PRKCE: variants seen among roughly 807,000 people sequenced by gnomAD.
PRKCE encodes the protein protein kinase C epsilon type.
A neutral mutation model predicts 85.4 loss-of-function variants in PRKCE; 16 were observed. That is an observed-to-expected ratio of 0.19 (90% confidence interval 0.13 to 0.28). The LOEUF is 0.28. Among genes scored for constraint, PRKCE ranks in the 10% least tolerant of loss-of-function variants. The probability of loss-of-function intolerance (pLI) is 1.00; values close to 1 mark genes in which losing one functional copy is unlikely to be tolerated. For missense variants in PRKCE, 573 were observed against 975.2 expected (o/e 0.59, Z 5.49); for synonymous variants, 388 against 371.5 (o/e 1.04, Z -0.51).
At chr2:45,991,849 A>G (rs558170969) in intron 6 of PRKCE, among the ~76,000 whole-genome samples, 1 of 152,116 alleles carries the variant, frequency 6.6e-6, no homozygotes, top group Non-Finnish European at 1.5e-5. Context: ...ATTGACGTTT[A>G]ATTTGTGTGG....
intron 10 of PRKCE, among the ~76,000 whole-genome samples, chr2:46,085,974 G>A (rs564503885): frequency 7.9e-5 from 12 of 152,270 alleles, no homozygotes; most frequent in South Asian, 2.1e-4. Context: ...CCACTAGACC[G>A]AGGTGATGCC....
intron 10 of PRKCE, among the ~76,000 whole-genome samples, chr2:46,038,939 A>G (rs1708050721): frequency 6.6e-6 from 1 of 152,212 alleles, no homozygotes; most frequent in African/African-American, 2.4e-5. Context: ...TGAAGCGCCA[A>G]TATAGTTCCT....
At chr2:45,990,205 G>T (rs1449159306) in intron 6 of PRKCE, among the ~76,000 whole-genome samples, 1 of 152,190 alleles carries the variant, frequency 6.6e-6, no homozygotes, top group African/African-American at 2.4e-5. Context: ...ACTGGAAGAG[G>T]ATCCACTTCC....
Position 46,159,895 on chromosome 2 carries a change from C to T in PRKCE, c.2067+143C>T. 1 of 1,036,558 alleles carries T rather than the reference C, an allele frequency of 9.6e-7. No homozygotes were observed. Among genetic ancestry groups the T allele is most frequent in the Non-Finnish European group, 1.4e-6 (1 of 732,448 alleles). 64.2% of individuals were successfully genotyped at this position (1,036,558 alleles called of 1,614,324 possible). A position where few individuals can be genotyped will look rare whatever the true frequency, so the allele number is the denominator to read the frequency against. On this transcript the variant is annotated intron_variant, in intron 14 of 14. Transcript: ENST00000306156. The surrounding 1 kb of genome is among the most constrained non-coding windows in gnomAD (Gnocchi z 4.1). ...AGACCAGAGGTGGCTGAGGCTCTCC[C>T]TAAGACAATGTCTTTAGGCCCCAAG...
At chr2:46,168,415 A>G (rs1235262831) in intron 14 of PRKCE, among the ~76,000 whole-genome samples, 1 of 152,206 alleles carries the variant, frequency 6.6e-6, no homozygotes, top group Admixed American at 6.5e-5. Context: ...AGGAGCTGGA[A>G]CTTGACAGAA....
At chr2:45,792,711 G>A (rs866348612) in intron 1 of PRKCE, among the ~76,000 whole-genome samples, 3 of 152,208 alleles carry the variant, frequency 2.0e-5, no homozygotes, top group Non-Finnish European at 4.4e-5. Flanking sequence ...TTTCTTCAAG[G>A]ACTGGTTGTA....
chr2:45,749,282 G>A (rs1447438710), intron 1 of PRKCE, among the ~76,000 whole-genome samples: 1 of 152,186 alleles, frequency 6.6e-6, no homozygotes, highest in African/African-American at 2.4e-5. Flanking sequence ...ATTAGGCAGA[G>A]CAAAACCTAT....
intron 11 of PRKCE, among the ~76,000 whole-genome samples, chr2:46,105,415 GCAA>G (rs781334167): frequency 1.2e-4 from 18 of 150,196 alleles, no homozygotes; most frequent in Non-Finnish European, 1.6e-4. Flanking sequence ...TGGCATAGCT[GCAA>G]CAACAACTTC....
At chr2:46,147,721 G>C (rs1410309856) in intron 12 of PRKCE, among the ~76,000 whole-genome samples, 1 of 152,202 alleles carries the variant, frequency 6.6e-6, no homozygotes, top group African/African-American at 2.4e-5. Flanking sequence ...CATTAGCCCA[G>C]TGCCCAGCCC....
intron 1 of PRKCE, among the ~76,000 whole-genome samples, chr2:45,820,356 G>A (rs1469466628): frequency 3.3e-5 from 5 of 152,126 alleles, no homozygotes; most frequent in Admixed American, 2.6e-4. Context: ...GATCGAGAGG[G>A]TAATAGATTC....
chr2:45,745,045 T>C (rs891137683), intron 1 of PRKCE, among the ~76,000 whole-genome samples: 29 of 152,128 alleles, frequency 1.9e-4, no homozygotes, highest in Non-Finnish European at 2.4e-4. Context: ...CAGCCCTGAG[T>C]AGAATTTTAG....
chr2:46,042,396 C>T (rs1393931480), intron 10 of PRKCE, among the ~76,000 whole-genome samples: 1 of 152,174 alleles, frequency 6.6e-6, no homozygotes, highest in East Asian at 1.9e-4. Flanking sequence ...GAGTTTTTCA[C>T]AAGGAGCATT....
At chr2:46,094,194 C>A (rs10202504) in intron 11 of PRKCE, among the ~76,000 whole-genome samples, 1 of 151,974 alleles carries the variant, frequency 6.6e-6, no homozygotes, top group Non-Finnish European at 1.5e-5. Context: ...AAGCTGTCAC[C>A]CTGGGATCCC....
At chr2:45,689,579 G>A (rs920994901) in intron 1 of PRKCE, among the ~76,000 whole-genome samples, 7 of 151,018 alleles carry the variant, frequency 4.6e-5, no homozygotes, top group African/African-American at 1.5e-4. Context: ...AATATACATA[G>A]CAAAGCATTC....
intron 14 of PRKCE, among the ~76,000 whole-genome samples, chr2:46,163,003 G>A (rs536262643): frequency 4.6e-5 from 7 of 152,354 alleles, no homozygotes; most frequent in African/African-American, 7.2e-5. Flanking sequence ...TGCACATACT[G>A]CATTTCTCAT....
intron 2 of PRKCE, among the ~76,000 whole-genome samples, chr2:45,961,947 G>T (rs543632086): frequency 1.3e-5 from 2 of 152,170 alleles, no homozygotes; most frequent in East Asian, 1.9e-4. Context: ...CACCTGCCTC[G>T]GCCTGGCAAA....
At chr2:46,033,033 C>T (rs577582194) in intron 10 of PRKCE, among the ~76,000 whole-genome samples, 8 of 152,098 alleles carry the variant, frequency 5.3e-5, no homozygotes, top group African/African-American at 1.4e-4. Flanking sequence ...AGGAGAAGCC[C>T]GTTCTCACCT....
chr2:46,023,801 C>A (rs191015213), intron 10 of PRKCE, among the ~76,000 whole-genome samples: 93 of 152,196 alleles, frequency 6.1e-4, no homozygotes, highest in Middle Eastern at 6.8e-3. Context: ...TCTGGTGTAG[C>A]CTGAAAGGAG....
chr2:45,921,264 G>A (rs139864507), intron 2 of PRKCE, among the ~76,000 whole-genome samples: 4 of 152,368 alleles, frequency 2.6e-5, no homozygotes, highest in African/African-American at 9.6e-5. Context: ...AGAGAAAAAG[G>A]CGTGTGGAGT....
Sources: gnomAD v4.1 joint callset for allele counts (sites outside exome capture counted in the v4.1 genomes callset) on GRCh38, gnomAD v4.1.1 for gene constraint, Gnocchi (gnomAD v3.1) non-coding constraint, MANE v1.5 for transcripts, NCBI Gene and HGNC (gene_info 2026-07-23, HGNC 2026-07-21) for gene names.